Variants in CYTH3 observed in about 807,000 individuals in gnomAD.
CYTH3 encodes the protein cytohesin-3.
Under a neutral mutation model 55.1 loss-of-function variants are expected in CYTH3, and 23 were observed. That is an observed-to-expected ratio of 0.42 (90% CI 0.30 to 0.59). The LOEUF (loss-of-function observed/expected upper bound fraction) is 0.59. Among genes scored for constraint, CYTH3 ranks in the 20% least tolerant of loss-of-function variants. The pLI is 0.20. For synonymous variants in CYTH3, 249 were observed against 194.9 expected (o/e 1.28, Z -2.31); for missense variants, 413 against 524.8 (o/e 0.79, Z 2.08).
intron 3 of CYTH3, 87 bp downstream of exon 3, chr7:6,187,570 C>A (rs1783686618): frequency 3.3e-6 from 4 of 1,202,338 alleles, no homozygotes; most frequent in Non-Finnish European, 5.0e-6. Context: ...CCCAACCACT[C>A]TCACCCCACT....
At chr7:6,202,670 G>A (rs1038022094) in intron 1 of CYTH3, among the ~76,000 whole-genome samples, 31 of 151,876 alleles carry the variant, frequency 2.0e-4, no homozygotes, top group African/African-American at 7.5e-4. Flanking sequence ...TCCATGTTAG[G>A]CTCATCTCAA....
chr7:6,235,978 G>A (rs1779512168), intron 1 of CYTH3, among the ~76,000 whole-genome samples: 1 of 152,122 alleles, frequency 6.6e-6, no homozygotes, highest in African/African-American at 2.4e-5. Flanking sequence ...CCTAGGATTG[G>A]CTATTGCTTA....
At chr7:6,216,871 A>G (rs1784439650) in intron 1 of CYTH3, among the ~76,000 whole-genome samples, 1 of 151,956 alleles carries the variant, frequency 6.6e-6, no homozygotes, top group Non-Finnish European at 1.5e-5. Context: ...GAAAAAAAAA[A>G]AAAAAAGAAA....
intron 1 of CYTH3, among the ~76,000 whole-genome samples, chr7:6,263,296 T>C (rs879830474): frequency 6.6e-5 from 10 of 152,362 alleles, no homozygotes; most frequent in Non-Finnish European, 1.0e-4. Context: ...CACTGTGTGC[T>C]GATTAGAATG....
At chr7:6,242,995 G>C (rs1779714001) in intron 1 of CYTH3, among the ~76,000 whole-genome samples, 1 of 152,050 alleles carries the variant, frequency 6.6e-6, no homozygotes, top group Admixed American at 6.5e-5. Context: ...GGGTGTCCTG[G>C]GACATGCCCC....
intron 1 of CYTH3, among the ~76,000 whole-genome samples, chr7:6,220,883 C>T (rs375902901): frequency 9.2e-5 from 14 of 151,888 alleles, no homozygotes; most frequent in African/African-American, 3.1e-4. Context: ...GTAGTCCCAG[C>T]CAATTGGGAG....
At chr7:6,205,104 G>A (rs1274011853) in intron 1 of CYTH3, among the ~76,000 whole-genome samples, 1 of 152,086 alleles carries the variant, frequency 6.6e-6, no homozygotes, top group Non-Finnish European at 1.5e-5. Context: ...GGCCAAGGCT[G>A]CAGTGAGCCA....
At chr7:6,205,871 C>T (rs1784173834) in intron 1 of CYTH3, among the ~76,000 whole-genome samples, 1 of 76,316 alleles carries the variant, frequency 1.3e-5, no homozygotes. Flanking sequence ...AAGGTCCTAT[C>T]TCTTAAAAAA....
intron 1 of CYTH3, among the ~76,000 whole-genome samples, chr7:6,229,112 C>T (rs1345883043): frequency 6.6e-6 from 1 of 152,118 alleles, no homozygotes; most frequent in Non-Finnish European, 1.5e-5. Flanking sequence ...GAAGTAAAAC[C>T]TGAATTAGCC....
At chr7:6,202,760 G>A (rs955997641) in intron 1 of CYTH3, among the ~76,000 whole-genome samples, 1 of 151,704 alleles carries the variant, frequency 6.6e-6, no homozygotes, top group African/African-American at 2.4e-5. Context: ...TGCCCAGCCA[G>A]GCCATTGCTG....
chr7:6,272,471 C>G lies in CYTH3; in HGVS notation c.34+3G>C. The G allele has an allele frequency of 7.3e-7, 1 of 1,370,254 alleles. No homozygotes were observed. The highest frequency in any genetic ancestry group is 9.5e-7 in the Non-Finnish European group (1 of 1,052,480). 84.9% of individuals were successfully genotyped at this position (1,370,254 alleles called of 1,614,324 possible). A position where few individuals can be genotyped will look rare whatever the true frequency, so the allele number is the denominator to read the frequency against. On this transcript the variant is annotated splice_donor_region_variant and intron_variant, in intron 1 of 12. Transcript: ENST00000350796. ...GCGAGCCCACCACACCTCCGACACT[C>G]ACCGCCACCACCCTCGCCGCCGCCG...
At chr7:6,222,662 G>T (rs1240088105) in intron 1 of CYTH3, among the ~76,000 whole-genome samples, 2 of 151,378 alleles carry the variant, frequency 1.3e-5, no homozygotes, top group Admixed American at 6.6e-5. Context: ...TGGGAGAATG[G>T]CATGAACCAG....
rs77734905 is a variant in CYTH3, at chr7:6,179,061, G to A, written c.250-1120C>T. ...GACCAGGGCTGCCTCATACCCTCAC[G>A]GTCCATCCAGAAATTTCCTATTTTT... On this transcript the variant is annotated intron_variant, in intron 4 of 12. Coordinates refer to ENST00000350796, the MANE Select transcript of CYTH3 (RefSeq NM_004227.4). Among the ~76,000 whole-genome samples the A allele has an allele frequency of 6.2e-3, 941 of 152,260 alleles. 7 individuals carry two copies. The highest frequency in any genetic ancestry group is 0.022 in the African/African-American group (893 of 41,534).
chr7:6,227,006 G>A (rs1043309924), intron 1 of CYTH3, among the ~76,000 whole-genome samples: 11 of 151,948 alleles, frequency 7.2e-5, no homozygotes, highest in African/African-American at 2.7e-4. Flanking sequence ...TGTGAACCCG[G>A]GAGGCGGAGC....
intron 1 of CYTH3, among the ~76,000 whole-genome samples, chr7:6,196,990 G>C (rs1783950329): frequency 1.3e-5 from 2 of 152,180 alleles, no homozygotes; most frequent in African/African-American, 2.4e-5. Flanking sequence ...TCCTTTTTAA[G>C]AAAGTCTATC....
At chr7:6,209,597 G>T (rs1479809058) in intron 1 of CYTH3, among the ~76,000 whole-genome samples, 1 of 152,186 alleles carries the variant, frequency 6.6e-6, no homozygotes, top group African/African-American at 2.4e-5. Flanking sequence ...ATACGATCCA[G>T]CAACTGCCCT....
chr7:6,186,960 C>A, intron 4 of CYTH3, 90 bp downstream of exon 4: 7 of 1,324,190 alleles, frequency 5.3e-6, no homozygotes, highest in Non-Finnish European at 7.6e-6. Context: ...ACAGGGCGGA[C>A]CACCTCTGAC....
intron 1 of CYTH3, among the ~76,000 whole-genome samples, chr7:6,259,763 ATATATATATTATATATATATAATATATAT>A (rs1780249092): frequency 3.9e-5 from 1 of 25,332 alleles, no homozygotes; most frequent in African/African-American, 3.5e-4. Flanking sequence ...TATATTATAT[ATATATATATTATATATATATAATATATAT>A]ATATATATAT....
In CYTH3 at chr7:6,190,504, C is replaced by G. The variant is rs1783775758; in HGVS notation, c.62G>C (p.Arg21Thr). 6.6e-7 allele frequency: 1 copy of G among 1,512,600 alleles called. No individual in the cohort carries two copies. Among genetic ancestry groups the G allele is most frequent in the Non-Finnish European group, 8.8e-7 (1 of 1,137,170 alleles). 93.7% of individuals were successfully genotyped at this position (1,512,600 alleles called of 1,614,324 possible). Residue 21 changes from arginine (R) to threonine (T), a missense_variant, in exon 2 of 13, where the codon AGA becomes ACA. This residue lies in a region of CYTH3 where 152 missense variants were observed against 148.1 expected (regional missense o/e 1.03). Coordinates refer to ENST00000350796, the MANE Select transcript of CYTH3 (RefSeq NM_004227.4). ...TCGACGAATGTCTAGAAGTTCTTCT[C>G]TCTCTTCTAATGAGAGGTCTTCAGG... Reference protein sequence around the residue: ...GVPEDLSLEEREELLDIRRRK... With the variant: ...GVPEDLSLEETEELLDIRRRK...
Sources: gnomAD v4.1 joint callset for allele counts (sites outside exome capture counted in the v4.1 genomes callset) on GRCh38, gnomAD v4.1.1 for gene constraint, gnomAD v4.1.1 regional missense constraint, MANE v1.5 for transcripts, NCBI Gene and HGNC (gene_info 2026-07-23, HGNC 2026-07-21) for gene names.